The following YWHAE variants were observed in gnomAD, a reference collection of about 807,000 sequenced individuals.
YWHAE encodes the protein 14-3-3 protein epsilon.
A neutral mutation model predicts 30.1 loss-of-function variants in YWHAE; 4 were observed. The observed-to-expected ratio is 0.13, with a 90% CI of 0.07 to 0.30. YWHAE has a LOEUF of 0.30. YWHAE is among the 10% of genes least tolerant of loss of function. The pLI is 1.00. For synonymous variants in YWHAE, 118 were observed against 111.8 expected (o/e 1.06, Z -0.35); for missense variants, 121 against 315.9 (o/e 0.38, Z 4.68).
intron 1 of YWHAE, among the ~76,000 whole-genome samples, chr17:1,366,730 G>C (rs1478124152): frequency 3.3e-5 from 5 of 151,952 alleles, no homozygotes; most frequent in African/African-American, 4.8e-5. Context: ...ATCGCCTGAG[G>C]TCAGGAGTTC....
chr17:1,399,162 G>GCTTT (rs1200191998), intron 1 of YWHAE: 1 of 152,086 alleles, frequency 6.6e-6, no homozygotes, highest in Non-Finnish European at 1.5e-5. Context: ...GCTCTACAAA[G>GCTTT]GCTCGAACTC....
At position 1,354,044 on chromosome 17, in the gene YWHAE, G is replaced by A. The variant is rs78246384; in HGVS notation, c.715+167C>T. Among the ~76,000 whole-genome samples the A allele has an allele frequency of 4.4e-3, 667 of 152,226 alleles. 8 individuals carry two copies. Among genetic ancestry groups the A allele is most frequent in the African/African-American group, 0.015 (618 of 41,520 alleles). ...AACTAAGTTCCCAAAATGGAACTCC[G>A]TACTGTAGCACCATTTCCTATAAAG... On this transcript the variant is annotated intron_variant, in intron 5 of 5. Coordinates refer to ENST00000264335, the MANE Select transcript of YWHAE (RefSeq NM_006761.5).
chr17:1,348,650 G>A (rs2072565367), intron 5 of YWHAE, among the ~76,000 whole-genome samples: 1 of 152,160 alleles, frequency 6.6e-6, no homozygotes, highest in Non-Finnish European at 1.5e-5. Context: ...AAACTCCTGG[G>A]CTCAAGTGAT....
intron 1 of YWHAE, among the ~76,000 whole-genome samples, chr17:1,370,332 C>A (rs528714042): frequency 1.3e-5 from 2 of 151,572 alleles, no homozygotes; most frequent in Non-Finnish European, 2.9e-5. Context: ...GGGGTTTCAC[C>A]ATGTTAGCCA....
intron 1 of YWHAE, among the ~76,000 whole-genome samples, chr17:1,379,178 C>A (rs1310715650): frequency 6.6e-6 from 1 of 151,968 alleles, no homozygotes; most frequent in Non-Finnish European, 1.5e-5. Flanking sequence ...CACCTAAGAG[C>A]CCTATGGGAT....
At chr17:1,383,227 G>A (rs905036264) in intron 1 of YWHAE, among the ~76,000 whole-genome samples, 2 of 151,802 alleles carry the variant, frequency 1.3e-5, no homozygotes, top group Non-Finnish European at 2.9e-5. Context: ...GCGCATGCCT[G>A]TAATCCCAGC....
chr17:1,382,861 CTAA>C (rs1208934290), intron 1 of YWHAE, among the ~76,000 whole-genome samples: 1 of 151,758 alleles, frequency 6.6e-6, no homozygotes, highest in Non-Finnish European at 1.5e-5. Flanking sequence ...CCCATCTCTA[CTAA>C]TAATACAAAA....
Position 1,361,991 on chromosome 17 carries a change from C to T in YWHAE, c.282G>A (p.Lys94=), listed in dbSNP as rs34137556. ...CATCCAGAATGTCACAACAGATTAACTTTAGCTCAGTCTCAACCTAAAAAA... is the reference window on the plus strand; with the variant it reads ...CATCCAGAATGTCACAACAGATTAATTTTAGCTCAGTCTCAACCTAAAAAA... ...EYRQMVETEL[K]LICCDILDVL... Residue 94 remains lysine, a synonymous_variant, in exon 3 of 6, where the codon AAG becomes AAA. Transcript: ENST00000264335. 46,838 of 1,585,946 alleles carry T rather than the reference C, an allele frequency of 0.03. 824 individuals carry two copies. Among genetic ancestry groups the T allele is most frequent in the Middle Eastern group, 0.037 (220 of 5,906 alleles).
chr17:1,348,851 GC>G (rs1310099339), intron 5 of YWHAE, among the ~76,000 whole-genome samples: 5 of 151,480 alleles, frequency 3.3e-5, no homozygotes, highest in African/African-American at 4.9e-5. Context: ...GGGAAACCCC[GC>G]CTCTACTAAA....
At chr17:1,365,809 A>C (rs2072933127) in intron 1 of YWHAE, among the ~76,000 whole-genome samples, 1 of 152,184 alleles carries the variant, frequency 6.6e-6, no homozygotes, top group Non-Finnish European at 1.5e-5. Context: ...TTTGGTGATG[A>C]GACTCAAGAA....
intron 4 of YWHAE, among the ~76,000 whole-genome samples, chr17:1,355,112 T>C (rs55637796): frequency 1.4e-5 from 1 of 71,098 alleles, no homozygotes; most frequent in Non-Finnish European, 2.6e-5. Flanking sequence ...CCCCCAAGAT[T>C]TTTTAAAAAA....
chr17:1,351,896 T>C lies in YWHAE; in HGVS notation c.715+2315A>G, dbSNP rs139246952. Among the ~76,000 whole-genome samples, 720 of 151,108 alleles carry C rather than the reference T, an allele frequency of 4.8e-3. 3 individuals carry two copies. The highest frequency in any genetic ancestry group is 0.017 in the African/African-American group (693 of 41,170). On this transcript the variant is annotated intron_variant, in intron 5 of 5. Coordinates refer to ENST00000264335, the MANE Select transcript of YWHAE (RefSeq NM_006761.5). ...TCCACCTCCTGGGTTCAAGCAATTC[T>C]CCTGCCTCAGCCTTGCAAGTAGCTG...
intron 5 of YWHAE, among the ~76,000 whole-genome samples, chr17:1,347,737 G>GAGAT (rs933916619): frequency 1.1e-4 from 16 of 152,158 alleles, no homozygotes; most frequent in African/African-American, 3.9e-4. Context: ...AAGCAACCAT[G>GAGAT]AGATGTGCCA....
intron 5 of YWHAE, among the ~76,000 whole-genome samples, chr17:1,351,215 C>G (rs1227054062): frequency 6.6e-6 from 1 of 151,740 alleles, no homozygotes; most frequent in Non-Finnish European, 1.5e-5. Flanking sequence ...AAAAAATTAG[C>G]TAGGAGTGGT....
chr17:1,362,741 A>T (rs986884898), intron 2 of YWHAE, among the ~76,000 whole-genome samples: 1 of 151,830 alleles, frequency 6.6e-6, no homozygotes, highest in Non-Finnish European at 1.5e-5. Context: ...TGCCCCTGGA[A>T]CCTCCGTTTC....
chr17:1,393,729 G>A (rs547818267), intron 1 of YWHAE, among the ~76,000 whole-genome samples: 10 of 152,272 alleles, frequency 6.6e-5, no homozygotes, highest in African/African-American at 2.2e-4. Context: ...CGCGGAACCC[G>A]GCTGGGGCTT....
chr17:1,352,656 G>C (rs553791867), intron 5 of YWHAE, among the ~76,000 whole-genome samples: 1 of 152,130 alleles, frequency 6.6e-6, no homozygotes, highest in African/African-American at 2.4e-5. Context: ...CTCCTGAGTA[G>C]CTGGGACTAC....
chr17:1,396,629 T>C (rs2073476078), intron 1 of YWHAE, among the ~76,000 whole-genome samples: 1 of 152,108 alleles, frequency 6.6e-6, no homozygotes, highest in Non-Finnish European at 1.5e-5. Context: ...GGTAAACTTT[T>C]CCCCTCTATA....
chr17:1,382,572 G>A (rs2073230569), intron 1 of YWHAE, among the ~76,000 whole-genome samples: 1 of 150,500 alleles, frequency 6.6e-6, no homozygotes, highest in South Asian at 2.1e-4. Flanking sequence ...ATGTTAGCCA[G>A]GATGATCTCA....
Sources: gnomAD v4.1 joint callset for allele counts (sites outside exome capture counted in the v4.1 genomes callset) on GRCh38, gnomAD v4.1.1 for gene constraint, MANE v1.5 for transcripts, NCBI Gene and HGNC (gene_info 2026-07-23, HGNC 2026-07-21) for gene names.